Variants in LAMA5 observed in about 807,000 individuals in gnomAD.
LAMA5 encodes the protein laminin subunit alpha 5, also known as laminin subunit alpha-5.
In LAMA5, 260 loss-of-function variants were observed where a neutral mutation model predicts 433.4. The observed-to-expected ratio is 0.60, with a 90% CI of 0.54 to 0.66. LAMA5 has a LOEUF of 0.66. LAMA5 is among the 30% of genes least tolerant of loss of function. The pLI is 0.00. For missense variants in LAMA5, 5,378 were observed against 5,258.5 expected, an observed-to-expected ratio of 1.02 and a Z score of -0.70; for synonymous variants, 2,620 against 2,226.6, an observed-to-expected ratio of 1.18 and a Z score of -4.97.
At chr20:62,357,321 C>G (rs750003439) in intron 2 of LAMA5, among the ~76,000 whole-genome samples, 1 of 152,186 alleles carries the variant, frequency 6.6e-6, no homozygotes, top group Non-Finnish European at 1.5e-5. Flanking sequence ...GCAGGAAAAG[C>G]CCCTCCTAGC....
At chr20:62,341,173 G>C (rs1717622216) in intron 11 of LAMA5, among the ~76,000 whole-genome samples, 1 of 152,126 alleles carries the variant, frequency 6.6e-6, no homozygotes, top group South Asian at 2.1e-4. Flanking sequence ...AGTGTGCCAA[G>C]TCTAACCACG....
chr20:62,362,382 G>A lies in LAMA5; in HGVS notation c.450+18C>T, dbSNP rs376210837. On this transcript the variant is annotated intron_variant, in intron 2 of 79. Transcript: ENST00000252999. ...GACACAGAGATGGGGGCTGCAGCAC[G>A]CAAAGAAGGGTCCCTACCTGGCCCA... 123 of 1,481,848 alleles carry A rather than the reference G, an allele frequency of 8.3e-5. No homozygotes were observed. The Middle Eastern group carries it at 1.1e-3, about 13-fold the overall frequency. 91.8% of individuals were successfully genotyped at this position (1,481,848 alleles called of 1,614,324 possible). A position where few individuals can be genotyped will look rare whatever the true frequency, so the allele number is the denominator to read the frequency against.
chr20:62,310,476 A>G lies in LAMA5; in HGVS notation c.10543T>C (p.Leu3515=), dbSNP rs756911223. ...AACAGGCCCGCCTCCAGGGGGCCCA[A>G]GATGCAGGGTGTGACCCCTGCCATC... ...TRMAGVTPCI[L]GPLEAGLFFP... Residue 3515 remains leucine, a synonymous_variant, in exon 76 of 80, where the codon TTG becomes CTG. Coordinates refer to ENST00000252999, the MANE Select transcript of LAMA5 (RefSeq NM_005560.6). 5 of 1,594,718 alleles carry G rather than the reference A, an allele frequency of 3.1e-6. No homozygotes were observed. Among genetic ancestry groups the G allele is most frequent in the Non-Finnish European group, 4.3e-6 (5 of 1,172,684 alleles).
intron 11 of LAMA5, chr20:62,345,378 AG>A (rs1983207325): frequency 6.1e-6 from 1 of 163,884 alleles, no homozygotes; most frequent in Non-Finnish European, 1.3e-5. Flanking sequence ...CACATTGTGC[AG>A]GTTAGTTACA....
At chr20:62,343,675 C>A (rs531656430) in intron 11 of LAMA5, among the ~76,000 whole-genome samples, 2 of 146,310 alleles carry the variant, frequency 1.4e-5, no homozygotes, top group Non-Finnish European at 3.0e-5. Flanking sequence ...ACATGGTAAG[C>A]TGAGGCAGGA....
intron 16 of LAMA5, 119 bp from the exon 17 acceptor site, chr20:62,336,905 T>A: frequency 1.1e-6 from 1 of 937,888 alleles, no homozygotes; most frequent in Non-Finnish European, 1.7e-6. Context: ...CACAGGTGCC[T>A]CTCATCCACA....
Position 62,309,219 on chromosome 20 carries a change from GAAAC to G in LAMA5, c.*113_*116del. On this transcript the variant is annotated 3_prime_UTR_variant, in exon 80 of 80. Coordinates refer to ENST00000252999, the MANE Select transcript of LAMA5 (RefSeq NM_005560.6). ...GAAGCTATAACTTAAACCATCTTCA[GAAAC>G]AAGATCTGTCACCCGTAGAGCTTAG... 2 of 1,034,578 alleles carry G rather than the reference GAAAC, an allele frequency of 1.9e-6. No individual in the cohort carries two copies. The highest frequency in any genetic ancestry group is 2.7e-6 in the Non-Finnish European group (2 of 742,432). 64.1% of individuals were successfully genotyped at this position (1,034,578 alleles called of 1,614,324 possible).
chr20:62,364,286 G>A (rs1986479021), intron 1 of LAMA5, among the ~76,000 whole-genome samples: 1 of 152,190 alleles, frequency 6.6e-6, no homozygotes, highest in Non-Finnish European at 1.5e-5. Flanking sequence ...GGTAGGTGTG[G>A]GCGGCGCCCT....
At chr20:62,363,723 G>T (rs1010477085) in intron 1 of LAMA5, among the ~76,000 whole-genome samples, 5 of 152,078 alleles carry the variant, frequency 3.3e-5, no homozygotes, top group African/African-American at 9.7e-5. Context: ...GCCTCCCTTG[G>T]GGGGCCAGAC....
chr20:62,310,878 A>G (rs771826378), intron 74 of LAMA5, 24 bp downstream of exon 74: 7 of 1,606,738 alleles, frequency 4.4e-6, no homozygotes, highest in Non-Finnish European at 5.9e-6. Context: ...CCTGCCCACC[A>G]CCTTCCTTCT....
chr20:62,316,693 C>T lies in LAMA5; in HGVS notation c.7734G>A (p.Gln2578=), dbSNP rs757970950. 5.6e-6 allele frequency: 9 copies of T among 1,606,050 alleles called. No homozygotes were observed. Among genetic ancestry groups the T allele is most frequent in the Admixed American group, 3.3e-5 (2 of 59,754 alleles). The change falls in exon 57 of 80, where the codon CAG becomes CAA. Residue 2578 remains glutamine, a synonymous_variant. Coordinates refer to ENST00000252999, the MANE Select transcript of LAMA5 (RefSeq NM_005560.6). The part of the protein sequence containing the change: ...NSTALEEAML[Q]EQQRLGLVWA... ...CACCAAGGCCCAGCCTCTGCTGTTC[C>T]TGGAGCATGGCCTCTTCTAGTGCAG...
intron 51 of LAMA5, 53 bp from the exon 52 acceptor site, chr20:62,319,066 T>C: frequency 6.9e-7 from 1 of 1,448,180 alleles, no homozygotes; most frequent in Non-Finnish European, 9.1e-7. Flanking sequence ...AGTGCACCTC[T>C]GCCTGCTGGC....
rs148481853 is a variant in LAMA5, at chr20:62,346,955, G to A, written c.1030C>T (p.Pro344Ser). ...CTGTTGGCAGTCGCAGGCTTCCACG[G>A]CTGCTGATTGAAGCCGGGGCAGCAG... ...DRCCPGFNQQ[P>S]WKPATANSAN... Residue 344 changes from proline (P) to serine (S), a missense_variant, in exon 7 of 80, where the codon CCG (proline) becomes TCG (serine). Transcript: ENST00000252999. 9 of 1,612,706 alleles carry A rather than the reference G, an allele frequency of 5.6e-6. No homozygotes were observed. The highest frequency in any genetic ancestry group is 4.4e-5 in the South Asian group (4 of 91,082).
Position 62,318,574 on chromosome 20 carries a change from C to T in LAMA5, c.7119G>A (p.Arg2373=), listed in dbSNP as rs1274947664. ...NQALATQTRD[R]LAQHEAGLMD... ...TGAGGCCGGCCTCGTGCTGGGCCAGCCGGTCGCGGGTTTGTGTGGCCAGTG... is the reference window on the plus strand; with the variant it reads ...TGAGGCCGGCCTCGTGCTGGGCCAGTCGGTCGCGGGTTTGTGTGGCCAGTG... The change falls in exon 53 of 80, where the codon CGG becomes CGA. Residue 2373 remains arginine (R), a synonymous_variant. Coordinates refer to ENST00000252999, the MANE Select transcript of LAMA5 (RefSeq NM_005560.6). 6 of 1,610,570 alleles carry T rather than the reference C, an allele frequency of 3.7e-6. No homozygotes were observed. The highest frequency in any genetic ancestry group is 3.3e-5 in the South Asian group (3 of 91,068).
chr20:62,364,073 C>T (rs1986453315), intron 1 of LAMA5, among the ~76,000 whole-genome samples: 1 of 152,202 alleles, frequency 6.6e-6, no homozygotes, highest in South Asian at 2.1e-4. Flanking sequence ...CCACACCCTC[C>T]TTATTCCCGC....
rs756130182 is a variant in LAMA5 at position 62,310,736 on chromosome 20, C to T, written c.10375G>A (p.Ala3459Thr). 1.9e-6 allele frequency: 3 copies of T among 1,583,348 alleles called. No individual in the cohort carries two copies. Among genetic ancestry groups the T allele is most frequent in the South Asian group, 1.2e-5 (1 of 86,868 alleles). Residue 3459 changes from alanine (A) to threonine (T), a missense_variant, in exon 75 of 80, where the codon GCA (alanine) becomes ACA (threonine). Ala to Thr is a moderately conservative substitution (Grantham distance 58, BLOSUM62 0). Transcript: ENST00000252999. ...QEGPHRQHQG[A>T]EHPQPHTLFV... is the part of the protein sequence containing the mutation. The stretch of plus-strand genomic sequence containing the variant: ...AGGGTGTGGGGCTGGGGGTGCTCTG[C>T]CCCCTGGTGCTGCCGGTGCGGCCCC...
Position 62,322,027 on chromosome 20 carries a change from T to C in LAMA5, c.6488A>G (p.His2163Arg). 4 of 1,598,360 alleles carry C rather than the reference T, an allele frequency of 2.5e-6. No homozygotes were observed. Among genetic ancestry groups the C allele is most frequent in the Non-Finnish European group, 3.4e-6 (4 of 1,179,256 alleles). The change falls in exon 48 of 80, where the codon CAC becomes CGC. Residue 2163 changes from histidine to arginine, a missense_variant. By Grantham distance (29) the His-to-Arg change is conservative. Transcript: ENST00000252999. ...VPGGPVGHSI[H>R]CEVCDHCVVL... ...GGGTGTTGAGGACACACCTTCACAGTGGATGCTGTGGCCCACAGGCCCGCC... is the reference window on the plus strand; with the variant it reads ...GGGTGTTGAGGACACACCTTCACAGCGGATGCTGTGGCCCACAGGCCCGCC...
At position 62,311,269 on chromosome 20, in the gene LAMA5, G is replaced by A. The variant is rs771252051; in HGVS notation, c.9981C>T (p.Ala3327=). Residue 3327 remains alanine, a synonymous_variant, in exon 73 of 80, where the codon GCC becomes GCT. Transcript: ENST00000252999. The part of the protein sequence containing the change: ...RRSRQPARHP[A]CMLPPHLRTT... ...TCCTGAGGTGTGGGGGCAGCATGCA[G>A]GCAGGATGCCGGGCGGGCTGACGGC... The A allele has an allele frequency of 3.7e-5, 59 of 1,602,806 alleles. No homozygotes were observed. The South Asian group carries it at 6.1e-4, about 17-fold the overall frequency.
At position 62,329,020 on chromosome 20, in the gene LAMA5, G is replaced by A; in HGVS notation, c.4271C>T (p.Ala1424Val). The A allele has an allele frequency of 4.3e-6, 7 of 1,612,706 alleles. No homozygotes were observed. The highest frequency in any genetic ancestry group is 1.7e-5 in the Admixed American group (1 of 59,970). The change falls in exon 34 of 80, where the codon GCT becomes GTT. Residue 1424 changes from alanine to valine, a missense_variant. Transcript: ENST00000252999. Reference sequence around the variant, plus strand: ...GTTATAGAAGAGGGAGAGGGAAGCAGCAGCGTTTCGGCAGAACAGGGATGA... The same window carrying A: ...GTTATAGAAGAGGGAGAGGGAAGCAACAGCGTTTCGGCAGAACAGGGATGA... ...SSSSLFCRNA[A>V]ASLSLFYNNG...
Sources: allele counts gnomAD v4.1 joint callset (sites outside exome capture counted in the v4.1 genomes callset), GRCh38; gene constraint gnomAD v4.1.1; transcripts MANE v1.5; gene names NCBI Gene and HGNC (gene_info 2026-07-23, HGNC 2026-07-21).